ZMAT4: variants seen among roughly 807,000 people sequenced by gnomAD.
ZMAT4 encodes the protein zinc finger matrin-type protein 4.
In ZMAT4, 17 loss-of-function variants were observed where a neutral mutation model predicts 28.7. The ratio of observed to expected loss-of-function variants is 0.59; its 90% CI spans 0.41 to 0.89. The LOEUF (loss-of-function observed/expected upper bound fraction) is 0.89, where lower values mean the gene tolerates loss of function less well. Among genes scored for constraint, ZMAT4 ranks in the 40% least tolerant of loss-of-function variants. The probability of loss-of-function intolerance (pLI) is 0.00; values close to 1 mark genes in which losing one functional copy is unlikely to be tolerated. For synonymous variants in ZMAT4, 117 were observed against 109.2 expected, an observed-to-expected ratio of 1.07 and a Z score of -0.44; for missense variants, 240 against 283.8, an observed-to-expected ratio of 0.85 and a Z score of 1.11.
intron 1 of ZMAT4, among the ~76,000 whole-genome samples, chr8:40,861,316 C>A (rs546588334): frequency 2.0e-3 from 306 of 152,264 alleles, no homozygotes; most frequent in African/African-American, 6.9e-3. Context: ...CAAAAACAAG[C>A]AATGGGGAAA....
At chr8:40,618,146 A>T (rs1457179452) in intron 5 of ZMAT4, among the ~76,000 whole-genome samples, 2 of 152,196 alleles carry the variant, frequency 1.3e-5, no homozygotes, top group Non-Finnish European at 2.9e-5. Context: ...AAGGTAACCA[A>T]CCCTAGGAAG....
At chr8:40,836,278 G>A (rs1460848696) in intron 1 of ZMAT4, among the ~76,000 whole-genome samples, 3 of 152,090 alleles carry the variant, frequency 2.0e-5, no homozygotes, top group Non-Finnish European at 4.4e-5. Flanking sequence ...TAAAATATCT[G>A]GCCACATCAA....
At chr8:40,748,363 G>A (rs1015887722) in intron 3 of ZMAT4, among the ~76,000 whole-genome samples, 1 of 152,202 alleles carries the variant, frequency 6.6e-6, no homozygotes, top group Non-Finnish European at 1.5e-5. Flanking sequence ...ATGGGGCTTT[G>A]AGAATGACAT....
chr8:40,816,009 G>A (rs6987787), intron 2 of ZMAT4, among the ~76,000 whole-genome samples: 96,851 of 151,814 alleles, frequency 0.64, 31,384 homozygotes, highest in Middle Eastern at 0.74. Context: ...AGCATCCCCA[G>A]TGCAGGTCCT....
chr8:40,644,466 C>T (rs1381452074), intron 5 of ZMAT4, among the ~76,000 whole-genome samples: 2 of 151,740 alleles, frequency 1.3e-5, no homozygotes, highest in African/African-American at 4.8e-5. Flanking sequence ...AAAAGAGTTC[C>T]CAATAGCAAA....
chr8:40,778,142 A>T (rs1348013042), intron 2 of ZMAT4, among the ~76,000 whole-genome samples: 1 of 152,232 alleles, frequency 6.6e-6, no homozygotes, highest in Non-Finnish European at 1.5e-5. Flanking sequence ...TTAACTAAAC[A>T]AACAAAATTG....
At chr8:40,672,211 A>G (rs1450142799) in intron 5 of ZMAT4, among the ~76,000 whole-genome samples, 1 of 152,192 alleles carries the variant, frequency 6.6e-6, no homozygotes, top group African/African-American at 2.4e-5. Flanking sequence ...GCTGCCTGAT[A>G]CCATTTTATT....
At chr8:40,726,398 T>C (rs1811319210) in intron 3 of ZMAT4, among the ~76,000 whole-genome samples, 1 of 152,220 alleles carries the variant, frequency 6.6e-6, no homozygotes, top group Non-Finnish European at 1.5e-5. Context: ...TTAAGTAGAA[T>C]GTCTATGATG....
intron 3 of ZMAT4, among the ~76,000 whole-genome samples, chr8:40,763,110 A>G (rs73613438): frequency 0.011 from 1,617 of 152,278 alleles, 29 homozygotes; most frequent in African/African-American, 0.036. Flanking sequence ...GGGACCCTTC[A>G]CCATGCCCAG....
intron 5 of ZMAT4, among the ~76,000 whole-genome samples, chr8:40,648,529 A>C (rs1389082417): frequency 6.7e-6 from 1 of 148,692 alleles, no homozygotes; most frequent in Non-Finnish European, 1.5e-5. Flanking sequence ...AACTTCCCCA[A>C]TCTAGCAAGG....
chr8:40,664,249 G>A (rs919013242), intron 5 of ZMAT4, among the ~76,000 whole-genome samples: 5 of 152,072 alleles, frequency 3.3e-5, no homozygotes, highest in African/African-American at 4.8e-5. Flanking sequence ...GGAAGCCAGC[G>A]AACACAACAC....
At chr8:40,614,527 T>A (rs1430497444) in intron 5 of ZMAT4, among the ~76,000 whole-genome samples, 1 of 152,190 alleles carries the variant, frequency 6.6e-6, no homozygotes, top group East Asian at 1.9e-4. Flanking sequence ...CAGTGGGGTG[T>A]TAAAGTCTCC....
At chr8:40,848,324 G>A (rs183011050) in intron 1 of ZMAT4, among the ~76,000 whole-genome samples, 22 of 152,280 alleles carry the variant, frequency 1.4e-4, no homozygotes, top group Admixed American at 5.9e-4. Context: ...GACTCCACCC[G>A]TTGTCCATCA....
intron 4 of ZMAT4, among the ~76,000 whole-genome samples, chr8:40,686,149 CAT>C (rs1435957062): frequency 6.6e-6 from 1 of 152,042 alleles, no homozygotes; most frequent in African/African-American, 2.4e-5. Context: ...CTGAAATAGA[CAT>C]ATTTTGAACT....
chr8:40,634,749 A>C (rs1030440712), intron 5 of ZMAT4, among the ~76,000 whole-genome samples: 1 of 152,186 alleles, frequency 6.6e-6, no homozygotes, highest in Non-Finnish European at 1.5e-5. Context: ...TTATCACTTT[A>C]CAAAAAAACA....
chr8:40,708,484 G>T (rs1376440040), intron 3 of ZMAT4, among the ~76,000 whole-genome samples: 1 of 152,030 alleles, frequency 6.6e-6, no homozygotes, highest in African/African-American at 2.4e-5. Flanking sequence ...ACAAATGTGG[G>T]GGAGAGTGGA....
intron 3 of ZMAT4, among the ~76,000 whole-genome samples, chr8:40,702,661 G>A (rs1810196443): frequency 6.6e-6 from 1 of 152,116 alleles, no homozygotes; most frequent in Non-Finnish European, 1.5e-5. Context: ...TTAGGTGAAG[G>A]TAGAAAGCCT....
intron 2 of ZMAT4, among the ~76,000 whole-genome samples, chr8:40,772,629 G>A (rs1315957284): frequency 1.3e-5 from 2 of 152,136 alleles, no homozygotes; most frequent in South Asian, 2.1e-4. Flanking sequence ...TTTCATCCCC[G>A]AATCACAGTT....
At chr8:40,850,341 T>A (rs1817057112) in intron 1 of ZMAT4, among the ~76,000 whole-genome samples, 1 of 152,116 alleles carries the variant, frequency 6.6e-6, no homozygotes, top group South Asian at 2.1e-4. Flanking sequence ...CTTCCCCTCA[T>A]CGACTGTGGA....
Sources: allele counts gnomAD v4.1 joint callset (sites outside exome capture counted in the v4.1 genomes callset), GRCh38; gene constraint gnomAD v4.1.1; transcripts MANE v1.5; gene names NCBI Gene and HGNC (gene_info 2026-07-23, HGNC 2026-07-21).